ATF1: variants seen among roughly 807,000 people sequenced by gnomAD.
ATF1 encodes the protein cyclic AMP-dependent transcription factor ATF-1.
In ATF1, 16 loss-of-function variants were observed where a neutral mutation model predicts 34.7. The observed-to-expected ratio is 0.46, with a 90% CI of 0.31 to 0.70. ATF1 has a LOEUF of 0.70. Ranked by LOEUF, ATF1 falls within the 30% of genes least tolerant of loss-of-function variation. The pLI is 0.05. For synonymous variants in ATF1, 105 were observed against 113.1 expected, an observed-to-expected ratio of 0.93 and a Z score of 0.46; for missense variants, 255 against 321.6, an observed-to-expected ratio of 0.79 and a Z score of 1.58.
At chr12:50,796,146 C>T (rs1306113446) in intron 3 of ATF1, 137 bp downstream of exon 3, 3 of 712,534 alleles carry the variant, frequency 4.2e-6, no homozygotes, top group Non-Finnish European at 4.4e-6. Flanking sequence ...GCCTATAATC[C>T]CAACCCTTTC....
At chr12:50,781,110 C>G (rs955491980) in intron 2 of ATF1, among the ~76,000 whole-genome samples, 17 of 152,120 alleles carry the variant, frequency 1.1e-4, no homozygotes, top group Non-Finnish European at 2.5e-4. Context: ...AGTCATCTCT[C>G]AGTATCTGTG....
chr12:50,803,098 TAA>T (rs746106904), intron 3 of ATF1, among the ~76,000 whole-genome samples: 2 of 141,012 alleles, frequency 1.4e-5, no homozygotes, highest in African/African-American at 2.6e-5. Flanking sequence ...CCGTCTCTAC[TAA>T]AAAAAAAAAA....
intron 1 of ATF1, among the ~76,000 whole-genome samples, chr12:50,775,218 T>A (rs1345562370): frequency 6.6e-6 from 1 of 152,108 alleles, no homozygotes; most frequent in Non-Finnish European, 1.5e-5. Context: ...TAGCTGGAAT[T>A]ACAAGTATGC....
At chr12:50,815,509 C>T (rs1055369997) in intron 6 of ATF1, among the ~76,000 whole-genome samples, 7 of 151,998 alleles carry the variant, frequency 4.6e-5, no homozygotes, top group Admixed American at 2.0e-4. Flanking sequence ...GCTCGGCCTC[C>T]CAAGTAGCTG....
At chr12:50,776,079 G>A (rs906652607) in intron 1 of ATF1, among the ~76,000 whole-genome samples, 5 of 152,080 alleles carry the variant, frequency 3.3e-5, no homozygotes, top group Admixed American at 1.3e-4. Flanking sequence ...TTGGGAGGCC[G>A]AGGAGGGCGG....
In ATF1 at chr12:50,814,000, T is replaced by C. The variant is rs1191531676; in HGVS notation, c.329-10T>C. ...ACCTTACAATAGCTATTTTCTCTTT[T>C]TGATTAAAGTTGCCATTGCCCCAAA... On this transcript the variant is annotated splice_polypyrimidine_tract_variant and intron_variant, in intron 4 of 6. Transcript: ENST00000262053. 7.5e-6 allele frequency: 12 copies of C among 1,606,808 alleles called. 1 individual carries two copies. Among genetic ancestry groups the C allele is most frequent in the South Asian group, 3.3e-5 (3 of 89,818 alleles).
chr12:50,773,971 C>G (rs1216954015), intron 1 of ATF1, among the ~76,000 whole-genome samples: 1 of 152,126 alleles, frequency 6.6e-6, no homozygotes, highest in Non-Finnish European at 1.5e-5. Context: ...TAATGTTGAG[C>G]TTAAAAAGCT....
chr12:50,764,325 A>C lies in ATF1; in HGVS notation c.-7+18A>C, dbSNP rs1358794240. On this transcript the variant is annotated intron_variant, in intron 1 of 6. Coordinates refer to ENST00000262053, the MANE Select transcript of ATF1 (RefSeq NM_005171.5). Reference sequence around the variant, plus strand: ...AGCCACAGGTAAGTGGGGGGCGGGGAGGGACGTGCCCCGTGGCCCGGGCGG... The same window carrying C: ...AGCCACAGGTAAGTGGGGGGCGGGGCGGGACGTGCCCCGTGGCCCGGGCGG... 2 of 149,910 alleles carry C rather than the reference A, an allele frequency of 1.3e-5. No individual in the cohort carries two copies. The highest frequency in any genetic ancestry group is 3.0e-5 in the Non-Finnish European group (2 of 67,538). 9.3% of individuals were successfully genotyped at this position (149,910 alleles called of 1,614,324 possible).
upstream of ATF1, chr12:50,764,094 T>G (rs1403926351): frequency 1.5e-5 from 2 of 131,112 alleles, no homozygotes; most frequent in Non-Finnish European, 3.2e-5. Flanking sequence ...GTGTAGATCA[T>G]GCCGCCAGTA....
At chr12:50,808,893 C>T (rs1049063235) in intron 3 of ATF1, among the ~76,000 whole-genome samples, 5 of 151,888 alleles carry the variant, frequency 3.3e-5, no homozygotes, top group African/African-American at 1.2e-4. Flanking sequence ...GCGCCTGCCA[C>T]CATGCCCAGC....
intron 2 of ATF1, among the ~76,000 whole-genome samples, chr12:50,781,544 G>A (rs990370469): frequency 1.5e-4 from 22 of 151,298 alleles, no homozygotes; most frequent in African/African-American, 5.1e-4. Flanking sequence ...TCCGCCTCCC[G>A]GGTTCAAACG....
At position 50,820,458 on chromosome 12, in the gene ATF1, T is replaced by G. The variant is rs573463564; in HGVS notation, c.*679T>G. 5.4e-6 allele frequency: 1 copy of G among 183,550 alleles called. No individual in the cohort carries two copies. The highest frequency in any genetic ancestry group is 2.0e-4 in the South Asian group (1 of 5,086). The allele number at this position is 183,550 out of a possible 1,614,324, so 11.4% of individuals were successfully genotyped here. A position where few individuals can be genotyped will look rare whatever the true frequency, so the allele number is the denominator to read the frequency against. ...TTATCAGAATGGAAAAAGAACTGTT[T>G]AAAAGTTTGATACTTTTAAATAGTT... is the stretch of plus-strand genomic sequence containing the variant. On this transcript the variant is annotated 3_prime_UTR_variant, in exon 7 of 7. Transcript: ENST00000262053.
At chr12:50,767,339 T>C (rs1271630377) in intron 1 of ATF1, among the ~76,000 whole-genome samples, 1 of 152,030 alleles carries the variant, frequency 6.6e-6, no homozygotes, top group Non-Finnish European at 1.5e-5. Flanking sequence ...GCCAACATGG[T>C]GAAACCCTAT....
At chr12:50,803,008 C>T (rs1240070573) in intron 3 of ATF1, among the ~76,000 whole-genome samples, 1 of 149,690 alleles carries the variant, frequency 6.7e-6, no homozygotes, top group African/African-American at 2.5e-5. Context: ...TGCATGTAAT[C>T]CCAGCACTTT....
At chr12:50,787,714 C>T (rs768403743) in intron 2 of ATF1, among the ~76,000 whole-genome samples, 1 of 151,908 alleles carries the variant, frequency 6.6e-6, no homozygotes, top group African/African-American at 2.4e-5. Flanking sequence ...TGCACTCCAG[C>T]CTAGGTGTCA....
At chr12:50,788,104 G>C (rs773653242) in intron 2 of ATF1, 1 of 398,876 alleles carries the variant, frequency 2.5e-6, no homozygotes, top group Non-Finnish European at 4.9e-6. Flanking sequence ...TTGGAAATCA[G>C]AATGAGTGAT....
intron 2 of ATF1, among the ~76,000 whole-genome samples, chr12:50,791,636 T>C (rs1005931909): frequency 3.9e-5 from 6 of 152,146 alleles, no homozygotes; most frequent in African/African-American, 1.4e-4. Flanking sequence ...GAAGGAAGCT[T>C]ACTTTCAAGT....
chr12:50,774,756 T>TG (rs1565900216), intron 1 of ATF1, among the ~76,000 whole-genome samples: 1 of 151,508 alleles, frequency 6.6e-6, no homozygotes, highest in African/African-American at 2.4e-5. Flanking sequence ...GTTTTTGTTT[T>TG]TTTTTTTTTG....
chr12:50,818,312 T>C (rs1298212347), intron 6 of ATF1, among the ~76,000 whole-genome samples: 1 of 152,008 alleles, frequency 6.6e-6, no homozygotes. Context: ...CTTGAGAGGC[T>C]GAAGTGGGGA....
Sources: allele counts gnomAD v4.1 joint callset (sites outside exome capture counted in the v4.1 genomes callset), GRCh38; gene constraint gnomAD v4.1.1; transcripts MANE v1.5; gene names NCBI Gene and HGNC (gene_info 2026-07-23, HGNC 2026-07-21).